Variants in STX6 observed in about 807,000 individuals in gnomAD.
STX6 encodes the protein syntaxin-6.
STX6 carries 23 observed loss-of-function variants against 38.0 expected under a neutral mutation model. The ratio of observed to expected loss-of-function variants is 0.60; its 90% CI spans 0.43 to 0.86. The LOEUF (loss-of-function observed/expected upper bound fraction) is 0.86, where lower values mean the gene tolerates loss of function less well. STX6 is among the 40% of genes least tolerant of loss of function. STX6 has a pLI of 0.00. For missense variants in STX6, 274 were observed against 312.9 expected, an observed-to-expected ratio of 0.88 and a Z score of 0.94; for synonymous variants, 123 against 107.5, an observed-to-expected ratio of 1.14 and a Z score of -0.89.
intron 1 of STX6, 53 bp downstream of exon 1, chr1:181,022,586 G>T: frequency 6.4e-7 from 1 of 1,573,910 alleles, no homozygotes; most frequent in Non-Finnish European, 8.6e-7. Context: ...AGGAGGTGCG[G>T]GCAGGCAGCA....
chr1:180,981,428 A>G (rs540248190), intron 7 of STX6, among the ~76,000 whole-genome samples: 16 of 152,326 alleles, frequency 1.1e-4, no homozygotes, highest in African/African-American at 3.8e-4. Flanking sequence ...TTCTTTCAGG[A>G]CAAAAACGGA....
chr1:180,984,224 G>A (rs898366518), intron 7 of STX6, among the ~76,000 whole-genome samples: 1 of 150,788 alleles, frequency 6.6e-6, no homozygotes, highest in Non-Finnish European at 1.5e-5. Flanking sequence ...CTGATTCTAA[G>A]GCATCACAAA....
At chr1:180,985,638 A>G (rs1040216308) in intron 6 of STX6, among the ~76,000 whole-genome samples, 2 of 152,236 alleles carry the variant, frequency 1.3e-5, no homozygotes, top group African/African-American at 4.8e-5. Flanking sequence ...GCAGGCTTAC[A>G]CTATTTGCTG....
chr1:181,017,942 T>C (rs909385978), intron 1 of STX6, among the ~76,000 whole-genome samples: 2 of 152,168 alleles, frequency 1.3e-5, no homozygotes, highest in Non-Finnish European at 2.9e-5. Context: ...TACAGACCTA[T>C]GACAAGTAGG....
chr1:180,976,339 C>T lies in STX6; in HGVS notation c.*231G>A, dbSNP rs960710380. 8 of 513,872 alleles carry T rather than the reference C, an allele frequency of 1.6e-5. No individual in the cohort carries two copies. The highest frequency in any genetic ancestry group is 1.5e-4 in the African/African-American group (8 of 52,170). 31.8% of individuals were successfully genotyped at this position (513,872 alleles called of 1,614,324 possible). ...GAACTGGACAGGCGGCATGGGGCTT[C>T]TGTTGTCCAGCTGCAGCCAGGAGTG... On this transcript the variant is annotated 3_prime_UTR_variant, in exon 8 of 8. Coordinates refer to ENST00000258301, the MANE Select transcript of STX6 (RefSeq NM_005819.6).
At chr1:180,986,867 G>T (rs1330323443) in intron 6 of STX6, among the ~76,000 whole-genome samples, 2 of 152,170 alleles carry the variant, frequency 1.3e-5, no homozygotes, top group East Asian at 3.8e-4. Flanking sequence ...CAACAGAGAA[G>T]CTCAGGCCAT....
chr1:180,990,317 C>T (rs1327898307), intron 4 of STX6, among the ~76,000 whole-genome samples: 1 of 152,154 alleles, frequency 6.6e-6, no homozygotes, highest in Non-Finnish European at 1.5e-5. Flanking sequence ...TAAGCTCTCC[C>T]AATAGGCCTC....
rs550995227 is a variant in STX6 at position 180,994,395 on chromosome 1, A to C, written c.301-970T>G. 1.5e-3 allele frequency among the ~76,000 whole-genome samples: 227 copies of C among 152,324 alleles called. 1 individual carries two copies. The highest frequency in any genetic ancestry group is 3.4e-3 in the Middle Eastern group (1 of 294). ...AAACCACTCATCTATCCATTTAGCAAACACTCACTGATGTCTACTATGTGG... is the reference window on the plus strand; with the variant it reads ...AAACCACTCATCTATCCATTTAGCACACACTCACTGATGTCTACTATGTGG... On this transcript the variant is annotated intron_variant, in intron 3 of 7. Transcript: ENST00000258301.
At chr1:180,982,177 A>G (rs1655436121) in intron 7 of STX6, among the ~76,000 whole-genome samples, 1 of 152,192 alleles carries the variant, frequency 6.6e-6, no homozygotes, top group South Asian at 2.1e-4. Context: ...GTAACTACTT[A>G]ATCACACTTC....
intron 1 of STX6, among the ~76,000 whole-genome samples, chr1:181,009,589 A>G (rs1656335570): frequency 6.6e-6 from 1 of 152,246 alleles, no homozygotes; most frequent in Non-Finnish European, 1.5e-5. Context: ...TAAATCTTCA[A>G]TTACATACTA....
At chr1:181,018,410 A>AAG (rs1553267063) in intron 1 of STX6, among the ~76,000 whole-genome samples, 7 of 148,562 alleles carry the variant, frequency 4.7e-5, no homozygotes, top group African/African-American at 1.7e-4. Flanking sequence ...AAAAAAAAAA[A>AAG]AAAAGAAAAG....
chr1:181,004,393 G>A (rs1054171137), intron 2 of STX6, among the ~76,000 whole-genome samples: 8 of 152,226 alleles, frequency 5.3e-5, no homozygotes, highest in African/African-American at 1.9e-4. Flanking sequence ...CATGTGATTA[G>A]ACAGTTGAAG....
intron 1 of STX6, among the ~76,000 whole-genome samples, chr1:181,018,630 T>C (rs1394716741): frequency 1.3e-5 from 2 of 152,092 alleles, no homozygotes; most frequent in Non-Finnish European, 2.9e-5. Context: ...GAGCAATCCC[T>C]GTTGTGGGAT....
chr1:181,012,669 A>T (rs201462966), intron 1 of STX6, among the ~76,000 whole-genome samples: 5 of 108,272 alleles, frequency 4.6e-5, no homozygotes, highest in Non-Finnish European at 4.0e-5. Flanking sequence ...AGATTCTTCC[A>T]TTCTTTTTTT....
At chr1:181,002,054 C>T (rs1189152203) in intron 3 of STX6, among the ~76,000 whole-genome samples, 2 of 152,164 alleles carry the variant, frequency 1.3e-5, no homozygotes, top group Non-Finnish European at 2.9e-5. Context: ...CCTGTAGTCC[C>T]AGCTATTTGG....
chr1:181,008,815 T>C (rs530260680), intron 1 of STX6, among the ~76,000 whole-genome samples: 13 of 149,598 alleles, frequency 8.7e-5, no homozygotes, highest in African/African-American at 3.2e-4. Flanking sequence ...AAGTGACAGG[T>C]TCACCTCACT....
intron 1 of STX6, among the ~76,000 whole-genome samples, chr1:181,020,612 T>C (rs1244847964): frequency 6.6e-6 from 1 of 152,168 alleles, no homozygotes; most frequent in Non-Finnish European, 1.5e-5. Context: ...GGCCTGATTA[T>C]CTAAATTCTG....
intron 1 of STX6, among the ~76,000 whole-genome samples, chr1:181,013,554 G>A (rs920979149): frequency 4.6e-5 from 7 of 152,194 alleles, no homozygotes; most frequent in African/African-American, 1.7e-4. Flanking sequence ...CTGGCCTCAA[G>A]TGATCCTCCT....
chr1:180,988,621 A>G (rs115308330), intron 5 of STX6: 3,340 of 329,080 alleles, frequency 0.01, 103 homozygotes, highest in African/African-American at 0.067. Context: ...CTGACGTCCA[A>G]TAATGGAGCA....
Sources: allele counts gnomAD v4.1 joint callset (sites outside exome capture counted in the v4.1 genomes callset), GRCh38; gene constraint gnomAD v4.1.1; transcripts MANE v1.5; gene names NCBI Gene and HGNC (gene_info 2026-07-23, HGNC 2026-07-21).